The following DCC variants were observed in gnomAD, a reference collection of about 807,000 sequenced individuals.
The protein encoded by DCC is netrin receptor DCC.
DCC carries 58 observed loss-of-function variants against 172.5 expected under a neutral mutation model. That is an observed-to-expected ratio of 0.34 (90% CI 0.27 to 0.42). The LOEUF is 0.42. Among genes scored for constraint, DCC ranks in the 10% least tolerant of loss-of-function variants. The pLI is 1.00. For missense variants in DCC, 1,740 were observed against 1,791.0 expected, an observed-to-expected ratio of 0.97 and a Z score of 0.51; for synonymous variants, 709 against 644.5, an observed-to-expected ratio of 1.10 and a Z score of -1.52.
intron 2 of DCC, among the ~76,000 whole-genome samples, chr18:52,818,365 C>T (rs895724246): frequency 6.8e-6 from 1 of 146,712 alleles, no homozygotes; most frequent in Non-Finnish European, 1.5e-5. Flanking sequence ...CGAGCTATGT[C>T]TGTGCCACTG....
rs1170093819 is a variant in DCC, at chr18:52,390,470, ATT to A, written c.91+49596_91+49597del. 2.0e-5 allele frequency among the ~76,000 whole-genome samples: 3 copies of A among 152,160 alleles called. No individual in the cohort carries two copies. The East Asian group carries it at 5.8e-4, about 29-fold the overall frequency. ...TCCAATTTAGTAGCAATCATTGAAC[ATT>A]TTTACCCTAATAAATTTAAAAATAA... On this transcript the variant is annotated intron_variant, in intron 1 of 28. Transcript: ENST00000442544.
At chr18:52,529,480 C>T (rs2032083044) in intron 1 of DCC, among the ~76,000 whole-genome samples, 1 of 152,146 alleles carries the variant, frequency 6.6e-6, no homozygotes. Context: ...TTAGTAGAGA[C>T]AGGGTTTCCC....
chr18:52,738,790 A>G (rs2036768629), intron 1 of DCC, among the ~76,000 whole-genome samples: 1 of 147,262 alleles, frequency 6.8e-6, no homozygotes, highest in Admixed American at 6.8e-5. Flanking sequence ...CCCAGGCTGG[A>G]GTGCAGTGGC....
chr18:53,160,320 T>G (rs1178274531), intron 8 of DCC, among the ~76,000 whole-genome samples: 2 of 152,174 alleles, frequency 1.3e-5, no homozygotes, highest in African/African-American at 2.4e-5. Context: ...CTATCCTTTA[T>G]TTAGGACTCT....
At chr18:52,642,317 C>A (rs146518785) in intron 1 of DCC, among the ~76,000 whole-genome samples, 1 of 150,290 alleles carries the variant, frequency 6.7e-6, no homozygotes, top group Non-Finnish European at 1.5e-5. Context: ...TTGGGGAATT[C>A]GGGGGAAGAG....
At chr18:53,307,316 C>A (rs994531629) in intron 13 of DCC, among the ~76,000 whole-genome samples, 1 of 151,972 alleles carries the variant, frequency 6.6e-6, no homozygotes. Flanking sequence ...TTTCCCCTGA[C>A]AAAATAATGG....
chr18:52,515,928 G>GAAAAAAAA (rs34820684), intron 1 of DCC, among the ~76,000 whole-genome samples: 10 of 115,002 alleles, frequency 8.7e-5, no homozygotes, highest in South Asian at 3.0e-4. Context: ...TTAGAAAATG[G>GAAAAAAAA]AAAAAAAAAA....
chr18:53,340,104 A>C (rs2057640642), intron 15 of DCC, among the ~76,000 whole-genome samples, 197 bp downstream of exon 15: 1 of 151,648 alleles, frequency 6.6e-6, no homozygotes, highest in African/African-American at 2.4e-5. Flanking sequence ...ACACATATAC[A>C]TTTCTTTGAA....
chr18:53,348,722 C>T (rs1454968392), intron 15 of DCC, among the ~76,000 whole-genome samples: 3 of 152,172 alleles, frequency 2.0e-5, no homozygotes, highest in Admixed American at 2.0e-4. Context: ...ATGGAAGCTG[C>T]CAAGACTTGA....
rs1160748809 is a variant in DCC at position 53,486,678 on chromosome 18, A to G, written c.3737-119A>G. The G allele has an allele frequency of 6.0e-6, 8 of 1,340,226 alleles. No homozygotes were observed. In the African/African-American group the frequency reaches 8.6e-5, roughly 14 times the overall value. 83.0% of individuals were successfully genotyped at this position (1,340,226 alleles called of 1,614,324 possible). On this transcript the variant is annotated intron_variant, in intron 25 of 28. Transcript: ENST00000442544. ...TGGAGAGAGGTAAGTAAGGGAACCT[A>G]GTTGATACTATGAAGAGTGTGTATA...
At chr18:52,682,273 G>A (rs1260350880) in intron 1 of DCC, among the ~76,000 whole-genome samples, 2 of 152,076 alleles carry the variant, frequency 1.3e-5, no homozygotes, top group South Asian at 4.1e-4. Flanking sequence ...ACATCCCAGT[G>A]CCTTTACTCT....
At chr18:53,115,000 G>C (rs113788116) in intron 7 of DCC, among the ~76,000 whole-genome samples, 2 of 151,614 alleles carry the variant, frequency 1.3e-5, no homozygotes, top group African/African-American at 4.8e-5. Context: ...CTAAGCCCTT[G>C]TTTGAAATGA....
At chr18:52,999,111 T>C (rs1321908517) in intron 5 of DCC, among the ~76,000 whole-genome samples, 2 of 152,092 alleles carry the variant, frequency 1.3e-5, no homozygotes, top group Non-Finnish European at 2.9e-5. Flanking sequence ...ATAGGTCTGC[T>C]TTTTAAACCA....
intron 2 of DCC, among the ~76,000 whole-genome samples, chr18:52,876,453 T>C (rs2039404172): frequency 6.6e-6 from 1 of 152,278 alleles, no homozygotes; most frequent in Non-Finnish European, 1.5e-5. Flanking sequence ...ACTTGATGGC[T>C]ACATCATTCA....
chr18:53,122,935 G>A lies in DCC; in HGVS notation c.1262-34421G>A, dbSNP rs560526904. ...CCAAATGCCCCTCCTTCCATATTCAGTATTCAGTCATTTTCTTGTGAATTC... is the reference window on the plus strand; with the variant it reads ...CCAAATGCCCCTCCTTCCATATTCAATATTCAGTCATTTTCTTGTGAATTC... On this transcript the variant is annotated intron_variant, in intron 7 of 28. Coordinates refer to ENST00000442544, the MANE Select transcript of DCC (RefSeq NM_005215.4). Among the ~76,000 whole-genome samples the A allele has an allele frequency of 3.5e-4, 53 of 151,982 alleles. 1 individual carries two copies. The highest frequency in any genetic ancestry group is 3.4e-3 in the Middle Eastern group (1 of 294).
chr18:52,526,379 C>T (rs1344837214), intron 1 of DCC, among the ~76,000 whole-genome samples: 1 of 152,062 alleles, frequency 6.6e-6, no homozygotes, highest in African/African-American at 2.4e-5. Flanking sequence ...GACAGCAGCC[C>T]CTGATATATA....
intron 5 of DCC, among the ~76,000 whole-genome samples, chr18:52,932,789 A>G (rs1053359813): frequency 6.6e-6 from 1 of 152,118 alleles, no homozygotes; most frequent in African/African-American, 2.4e-5. Context: ...GTATATGTGC[A>G]TACATATACA....
At chr18:52,667,943 A>C (rs2144962387) in intron 1 of DCC, among the ~76,000 whole-genome samples, 1 of 152,306 alleles carries the variant, frequency 6.6e-6, no homozygotes, top group African/African-American at 2.4e-5. Context: ...TAAACAAAAA[A>C]GAAAGAAGAC....
chr18:52,962,788 A>T (rs1180333883), intron 5 of DCC, among the ~76,000 whole-genome samples: 1 of 152,062 alleles, frequency 6.6e-6, no homozygotes, highest in African/African-American at 2.4e-5. Context: ...AAAAATGATG[A>T]GTTCATGTCC....
Sources: allele counts gnomAD v4.1 joint callset (sites outside exome capture counted in the v4.1 genomes callset), GRCh38; gene constraint gnomAD v4.1.1; transcripts MANE v1.5; gene names NCBI Gene and HGNC (gene_info 2026-07-23, HGNC 2026-07-21).